GOPC: variants seen among roughly 807,000 people sequenced by gnomAD.
The protein encoded by GOPC is Golgi-associated PDZ and coiled-coil motif-containing protein.
In GOPC, 32 loss-of-function variants were observed where a neutral mutation model predicts 51.2. The ratio of observed to expected loss-of-function variants is 0.63; its 90% confidence interval spans 0.47 to 0.84. GOPC has a LOEUF of 0.84. Ranked by LOEUF, GOPC falls within the 40% of genes least tolerant of loss-of-function variation. The pLI is 0.00. For synonymous variants in GOPC, 190 were observed against 205.1 expected, an observed-to-expected ratio of 0.93 and a Z score of 0.63; for missense variants, 441 against 555.5, an observed-to-expected ratio of 0.79 and a Z score of 2.07.
In GOPC at chr6:117,562,886, A is replaced by C; in HGVS notation, c.*368T>G. ...TGAATTCACTTACTCTCTGTATTTT[A>C]AAGGGTACTCCTTATAAAATTCCAG... On this transcript the variant is annotated 3_prime_UTR_variant, in exon 9 of 9. Coordinates refer to ENST00000368498, the MANE Select transcript of GOPC (RefSeq NM_020399.4). 2 of 232,294 alleles carry C rather than the reference A, an allele frequency of 8.6e-6. No individual in the cohort carries two copies. The highest frequency in any genetic ancestry group is 1.7e-5 in the Non-Finnish European group (2 of 117,616). The allele number at this position is 232,294 out of a possible 1,614,324, so 14.4% of individuals were successfully genotyped here.
At chr6:117,595,379 TTTTG>T (rs1374991558) in intron 1 of GOPC, among the ~76,000 whole-genome samples, 5 of 152,144 alleles carry the variant, frequency 3.3e-5, no homozygotes, top group Admixed American at 2.6e-4. Context: ...TTGTGTTTTG[TTTTG>T]TTTGTTTGGG....
intron 1 of GOPC, among the ~76,000 whole-genome samples, chr6:117,591,131 C>T (rs543678106): frequency 3.9e-5 from 6 of 152,286 alleles, no homozygotes; most frequent in Non-Finnish European, 8.8e-5. Flanking sequence ...GGATTACAGG[C>T]GTGAACCACC....
chr6:117,596,930 G>T (rs903047756), intron 1 of GOPC, among the ~76,000 whole-genome samples: 12 of 152,020 alleles, frequency 7.9e-5, no homozygotes, highest in African/African-American at 2.7e-4. Flanking sequence ...AAGAATGATG[G>T]TGGTATTTTG....
intron 8 of GOPC, among the ~76,000 whole-genome samples, chr6:117,563,881 T>C (rs1289367321): frequency 2.0e-5 from 3 of 152,106 alleles, no homozygotes; most frequent in African/African-American, 7.2e-5. Context: ...TTCCCTCTTA[T>C]GGCAGGTATC....
chr6:117,602,017 T>C lies in GOPC; in HGVS notation c.272A>G (p.Asn91Ser), dbSNP rs747310322. The change falls in exon 1 of 9, where the codon AAC becomes AGC. Residue 91 changes from asparagine to serine, a missense_variant. Coordinates refer to ENST00000368498, the MANE Select transcript of GOPC (RefSeq NM_020399.4). ...CHKAQSVSQI[N>S]HKLEAQLVDL... is the part of the protein sequence containing the mutation. ...CCCACGGCTCACCTCCAGCTTGTGG[T>C]TGATTTGAGACACAGACTGGGCTTT... 6.2e-7 allele frequency: 1 copy of C among 1,614,060 alleles called. No individual in the cohort carries two copies. Among genetic ancestry groups the C allele is most frequent in the East Asian group, 2.2e-5 (1 of 44,866 alleles).
At chr6:117,579,462 T>C (rs1008287310) in intron 1 of GOPC, among the ~76,000 whole-genome samples, 5 of 152,192 alleles carry the variant, frequency 3.3e-5, no homozygotes, top group African/African-American at 1.2e-4. Flanking sequence ...TTAGAGAAGA[T>C]GTCAGTAAGT....
chr6:117,592,852 G>GC (rs1237714070), intron 1 of GOPC, among the ~76,000 whole-genome samples: 1 of 152,020 alleles, frequency 6.6e-6, no homozygotes, highest in Admixed American at 6.6e-5. Flanking sequence ...CTTATCTCCT[G>GC]CATCTACATA....
intron 3 of GOPC, 113 bp from the exon 4 acceptor site, chr6:117,575,465 A>C (rs560864611): frequency 2.4e-6 from 2 of 833,420 alleles, no homozygotes; most frequent in Admixed American, 1.7e-5. Flanking sequence ...CATCTCTATA[A>C]AATGGAACAC....
intron 5 of GOPC, among the ~76,000 whole-genome samples, chr6:117,572,920 G>C (rs1465320509): frequency 6.6e-6 from 1 of 152,208 alleles, no homozygotes; most frequent in African/African-American, 2.4e-5. Context: ...ATATTATCAA[G>C]CAGCTGTTAT....
intron 1 of GOPC, among the ~76,000 whole-genome samples, chr6:117,585,916 A>G (rs1780025772): frequency 6.6e-6 from 1 of 152,238 alleles, no homozygotes; most frequent in African/African-American, 2.4e-5. Context: ...ATTATGAAGA[A>G]AATAGTTGAC....
intron 1 of GOPC, among the ~76,000 whole-genome samples, chr6:117,598,594 C>G (rs774913589): frequency 6.6e-6 from 1 of 152,090 alleles, no homozygotes; most frequent in Non-Finnish European, 1.5e-5. Context: ...GCTGGCAACC[C>G]AGATACCTCG....
Position 117,572,412 on chromosome 6 carries a change from A to G in GOPC, c.816+1055T>C, listed in dbSNP as rs1441014356. On this transcript the variant is annotated intron_variant, in intron 5 of 8. Coordinates refer to ENST00000368498, the MANE Select transcript of GOPC (RefSeq NM_020399.4). ...TGGATGACCATAGTATCTTTCTAATATATCTCCTTGACTCCAACTTGGTCC... is the reference window on the plus strand; with the variant it reads ...TGGATGACCATAGTATCTTTCTAATGTATCTCCTTGACTCCAACTTGGTCC... Among the ~76,000 whole-genome samples the G allele has an allele frequency of 2.0e-4, 30 of 152,176 alleles. 1 individual carries two copies. The highest frequency in any genetic ancestry group is 1.9e-3 in the Admixed American group (29 of 15,268).
intron 1 of GOPC, among the ~76,000 whole-genome samples, chr6:117,581,244 T>C (rs1409803645): frequency 6.6e-6 from 1 of 152,142 alleles, no homozygotes; most frequent in African/African-American, 2.4e-5. Context: ...GCCCAAGAGG[T>C]AGAAGAAAAG....
intron 6 of GOPC, among the ~76,000 whole-genome samples, 182 bp downstream of exon 6, chr6:117,570,678 G>T (rs987262814): frequency 6.6e-6 from 1 of 151,910 alleles, no homozygotes; most frequent in African/African-American, 2.4e-5. Context: ...CTTAATAGTT[G>T]CTAGGAATAT....
rs78503277 is a variant in GOPC, at chr6:117,588,046, G to T, written c.286-8982C>A. 6.5e-3 allele frequency among the ~76,000 whole-genome samples: 987 copies of T among 151,702 alleles called. 4 individuals carry two copies. Among genetic ancestry groups the T allele is most frequent in the Non-Finnish European group, 0.011 (757 of 67,874 alleles). On this transcript the variant is annotated intron_variant, in intron 1 of 8. Coordinates refer to ENST00000368498, the MANE Select transcript of GOPC (RefSeq NM_020399.4). ...CACATGGTCATTTTTAAATTTTTTT[G>T]TATTTTTTGTATTTATTTAAAAATA... is the stretch of plus-strand genomic sequence containing the variant.
intron 1 of GOPC, among the ~76,000 whole-genome samples, chr6:117,585,629 T>C (rs972253101): frequency 1.3e-5 from 2 of 152,220 alleles, no homozygotes; most frequent in Non-Finnish European, 2.9e-5. Flanking sequence ...TTTGTAATTC[T>C]GGCAATAATA....
At chr6:117,570,686 T>A (rs527614176) in intron 6 of GOPC, among the ~76,000 whole-genome samples, 174 bp downstream of exon 6, 1 of 152,094 alleles carries the variant, frequency 6.6e-6, no homozygotes, top group Non-Finnish European at 1.5e-5. Flanking sequence ...TTGCTAGGAA[T>A]ATTTATTTCT....
At chr6:117,585,832 G>A (rs936787829) in intron 1 of GOPC, among the ~76,000 whole-genome samples, 1 of 152,154 alleles carries the variant, frequency 6.6e-6, no homozygotes, top group African/African-American at 2.4e-5. Flanking sequence ...CACACCTGTA[G>A]GCATGCAAAC....
chr6:117,569,756 G>A lies in GOPC; in HGVS notation c.913-20C>T. On this transcript the variant is annotated intron_variant, in intron 6 of 8. Transcript: ENST00000368498. ...CCCACCCTAACAACAACAAAGGGCA[G>A]TAAATTAAAGTACTCTTTGTAAGGT... is the stretch of plus-strand genomic sequence containing the variant. The A allele has an allele frequency of 6.4e-7, 1 of 1,552,984 alleles. No individual in the cohort carries two copies.
Sources: allele counts gnomAD v4.1 joint callset (sites outside exome capture counted in the v4.1 genomes callset), GRCh38; gene constraint gnomAD v4.1.1; transcripts MANE v1.5; gene names NCBI Gene and HGNC (gene_info 2026-07-23, HGNC 2026-07-21).